Variants in KLHL42 observed in about 807,000 individuals in gnomAD.
KLHL42 encodes the protein kelch-like protein 42.
KLHL42 carries 27 observed loss-of-function variants against 32.7 expected under a neutral mutation model. The ratio of observed to expected loss-of-function variants is 0.83; its 90% confidence interval spans 0.61 to 1.14. KLHL42 has a LOEUF of 1.14. KLHL42 is among the 50% of genes most tolerant of loss of function. KLHL42 has a pLI of 0.00. For synonymous variants in KLHL42, 267 were observed against 248.2 expected, an observed-to-expected ratio of 1.08 and a Z score of -0.71; for missense variants, 491 against 560.8, an observed-to-expected ratio of 0.88 and a Z score of 1.26.
intron 1 of KLHL42, among the ~76,000 whole-genome samples, chr12:27,787,428 G>C (rs370296997): frequency 6.6e-6 from 1 of 151,558 alleles, no homozygotes; most frequent in Non-Finnish European, 1.5e-5. Context: ...CCGGGATGGG[G>C]AGGTTGCGGT....
At chr12:27,787,157 G>A (rs1002726380) in intron 1 of KLHL42, among the ~76,000 whole-genome samples, 1 of 152,052 alleles carries the variant, frequency 6.6e-6, no homozygotes, top group Non-Finnish European at 1.5e-5. Context: ...CTGAACGTGG[G>A]TTTGATCTCA....
chr12:27,784,139 G>GTTTT (rs916582197), intron 1 of KLHL42, among the ~76,000 whole-genome samples: 1 of 123,150 alleles, frequency 8.1e-6, no homozygotes, highest in Admixed American at 8.3e-5. Context: ...TTTTGTTTTT[G>GTTTT]TTTTTTTTTT....
rs138436001 is a variant in KLHL42 at position 27,792,764 on chromosome 12, C to T, written c.1066+863C>T. ...TCTGTAACTCCTGACCTCAGGTGAT[C>T]CACCTGCCTTAGCCTCCCAAGGTGC... On this transcript the variant is annotated intron_variant, in intron 2 of 2. Transcript: ENST00000381271. Among the ~76,000 whole-genome samples, 918 of 152,282 alleles carry T rather than the reference C, an allele frequency of 6.0e-3. 12 individuals carry two copies. Among genetic ancestry groups the T allele is most frequent in the African/African-American group, 0.021 (888 of 41,548 alleles).
At position 27,798,991 on chromosome 12, in the gene KLHL42, A is replaced by G. The variant is rs2140825560; in HGVS notation, c.*825A>G. The G allele has an allele frequency of 1.3e-5, 2 of 152,748 alleles. 1 individual carries two copies. The allele number at this position is 152,748 out of a possible 1,614,324, so 9.5% of individuals were successfully genotyped here. A position where few individuals can be genotyped will look rare whatever the true frequency, so the allele number is the denominator to read the frequency against. ...ATTAAAAATTGAGTCTTAAATTTAA[A>G]TGGGAAGGGAAGAAAACACCAAATA... On this transcript the variant is annotated 3_prime_UTR_variant, in exon 3 of 3. Coordinates refer to ENST00000381271, the MANE Select transcript of KLHL42 (RefSeq NM_020782.2).
At chr12:27,791,256 T>G (rs897854362) in intron 1 of KLHL42, among the ~76,000 whole-genome samples, 12 of 152,114 alleles carry the variant, frequency 7.9e-5, no homozygotes, top group Admixed American at 2.6e-4. Context: ...CACCTGCCTG[T>G]CTCGACAGCA....
In KLHL42 at chr12:27,796,780, T is replaced by C. The variant is rs114035573; in HGVS notation, c.1067-935T>C. ...TCCAAGTAGCAGCTGGTACCATAGG[T>C]GCACACCACCATGCCTGGCTAATTT... On this transcript the variant is annotated intron_variant, in intron 2 of 2. Coordinates refer to ENST00000381271, the MANE Select transcript of KLHL42 (RefSeq NM_020782.2). Among the ~76,000 whole-genome samples, 394 of 152,044 alleles carry C rather than the reference T, an allele frequency of 2.6e-3. 2 individuals are homozygous for C. Among genetic ancestry groups the C allele is most frequent in the African/African-American group, 9.2e-3 (382 of 41,478 alleles).
rs536927481 is a variant in KLHL42 at position 27,791,538 on chromosome 12, G to T, written c.873-170G>T. Among the ~76,000 whole-genome samples the T allele has an allele frequency of 3.9e-5, 6 of 152,346 alleles. No homozygotes were observed. The East Asian group carries it at 1.2e-3, about 29-fold the overall frequency. ...TTCCCGTGGAATCTTGGGGACAGGAGTGAGATTCGAGAAGCCATCCTTTCC... is the reference window on the plus strand; with the variant it reads ...TTCCCGTGGAATCTTGGGGACAGGATTGAGATTCGAGAAGCCATCCTTTCC... On this transcript the variant is annotated intron_variant, in intron 1 of 2. Transcript: ENST00000381271.
At position 27,791,829 on chromosome 12, in the gene KLHL42, A is replaced by G. The variant is rs760406182; in HGVS notation, c.994A>G (p.Asn332Asp). 12 of 1,614,040 alleles carry G rather than the reference A, an allele frequency of 7.4e-6. No individual in the cohort carries two copies. Among genetic ancestry groups the G allele is most frequent in the Non-Finnish European group, 9.3e-6 (11 of 1,180,028 alleles). ...GTGGAATTTTGTGGCGCCCTTACCC[A>G]ATCCTCTGGCTGAGTTCTCTGCCTG... The part of the protein sequence containing the change: ...DAWNFVAPLP[N>D]PLAEFSACEC... Residue 332 changes from asparagine (N) to aspartate (D), a missense_variant, in exon 2 of 3, where the codon AAT (asparagine) becomes GAT (aspartate). Asn to Asp is a conservative substitution (Grantham distance 23). Coordinates refer to ENST00000381271, the MANE Select transcript of KLHL42 (RefSeq NM_020782.2).
At position 27,798,244 on chromosome 12, in the gene KLHL42, AT is replaced by A; in HGVS notation, c.*80del. The A allele has an allele frequency of 2.9e-6, 2 of 695,586 alleles. No individual in the cohort carries two copies. The highest frequency in any genetic ancestry group is 5.2e-6 in the Non-Finnish European group (2 of 386,150). The allele number at this position is 695,586 out of a possible 1,614,324, so 43.1% of individuals were successfully genotyped here. On this transcript the variant is annotated 3_prime_UTR_variant, in exon 3 of 3. Transcript: ENST00000381271. ...TGGTGTCCCATTCCAAGGGAGACCA[AT>A]TCCTAAAGGGTAAAGAAGGGTTAAA...
chr12:27,785,356 T>C (rs2062167655), intron 1 of KLHL42, among the ~76,000 whole-genome samples: 1 of 152,124 alleles, frequency 6.6e-6, no homozygotes, highest in African/African-American at 2.4e-5. Context: ...TGCAACACCA[T>C]GCTTGGTTAA....
Position 27,797,757 on chromosome 12 carries a change from T to G in KLHL42, c.1109T>G (p.Met370Arg). The G allele has an allele frequency of 1.4e-6, 1 of 727,686 alleles. No individual in the cohort carries two copies. The highest frequency in any genetic ancestry group is 2.6e-6 in the Non-Finnish European group (1 of 390,414). The allele number at this position is 727,686 out of a possible 1,614,324, so 45.1% of individuals were successfully genotyped here. A position where few individuals can be genotyped will look rare whatever the true frequency, so the allele number is the denominator to read the frequency against. Residue 370 changes from methionine (M) to arginine (R), a missense_variant, in exon 3 of 3, where the codon ATG becomes AGG. By Grantham distance (91) the Met-to-Arg change is moderately conservative (BLOSUM62 -1). Around this residue, in one of 4 missense-constraint regions of KLHL42, gnomAD observed 152 missense variants for 125.9 expected, o/e 1.21. Transcript: ENST00000381271. ...TTGCAGTACTGCCCCTCTTCCGACATGTGGACGCTCTTTGAAACATGTGAC... is the reference window on the plus strand; with the variant it reads ...TTGCAGTACTGCCCCTCTTCCGACAGGTGGACGCTCTTTGAAACATGTGAC... Reference protein sequence around the residue: ...NILQYCPSSDMWTLFETCDVH... With the variant: ...NILQYCPSSDRWTLFETCDVH...
At chr12:27,784,865 G>C (rs2062165079) in intron 1 of KLHL42, among the ~76,000 whole-genome samples, 1 of 152,140 alleles carries the variant, frequency 6.6e-6, no homozygotes, top group Admixed American at 6.5e-5. Context: ...TTGGCCATTT[G>C]TATTTCTTTT....
At chr12:27,782,377 T>C (rs941153910) in intron 1 of KLHL42, among the ~76,000 whole-genome samples, 1 of 152,092 alleles carries the variant, frequency 6.6e-6, no homozygotes, top group African/African-American at 2.4e-5. Flanking sequence ...TGGAAAAGAA[T>C]GAAGAAGCAA....
intron 2 of KLHL42, among the ~76,000 whole-genome samples, chr12:27,794,977 T>C (rs1254727669): frequency 1.3e-5 from 2 of 151,438 alleles, no homozygotes. Flanking sequence ...CAGGTTACAG[T>C]GATTATAGGT....
intron 1 of KLHL42, among the ~76,000 whole-genome samples, chr12:27,784,089 A>G (rs1591813752): frequency 6.6e-6 from 1 of 150,864 alleles, no homozygotes; most frequent in Non-Finnish European, 1.5e-5. Flanking sequence ...AAATTCGTGG[A>G]ATCCCTGGAT....
intron 1 of KLHL42, among the ~76,000 whole-genome samples, chr12:27,782,300 A>G (rs1565481226): frequency 6.6e-6 from 1 of 152,212 alleles, no homozygotes; most frequent in Non-Finnish European, 1.5e-5. Context: ...TTCTCCTATA[A>G]TATGAAATTC....
Position 27,797,695 on chromosome 12 carries a change from CTT to C in KLHL42, c.1067-19_1067-18del. The C allele has an allele frequency of 1.5e-6, 1 of 679,450 alleles. No homozygotes were observed. The highest frequency in any genetic ancestry group is 2.7e-6 in the Non-Finnish European group (1 of 373,940). The allele number at this position is 679,450 out of a possible 1,614,324, so 42.1% of individuals were successfully genotyped here. A position where few individuals can be genotyped will look rare whatever the true frequency, so the allele number is the denominator to read the frequency against. Reference sequence around the variant, plus strand: ...GGTGTTAGTGGAGGCGGTGTCATCACTTGTCTTTCTTTCTTTCAGACCGGAAC... The same window carrying C: ...GGTGTTAGTGGAGGCGGTGTCATCACGTCTTTCTTTCTTTCAGACCGGAAC... On this transcript the variant is annotated intron_variant, in intron 2 of 2. Transcript: ENST00000381271.
At chr12:27,793,509 C>T (rs1346475510) in intron 2 of KLHL42, among the ~76,000 whole-genome samples, 1 of 150,484 alleles carries the variant, frequency 6.6e-6, no homozygotes, top group Non-Finnish European at 1.5e-5. Flanking sequence ...TCCCCTGCAC[C>T]CCAGGCTGGG....
At position 27,799,282 on chromosome 12, in the gene KLHL42, G is replaced by T. The variant is rs543183053; in HGVS notation, c.*1116G>T. On this transcript the variant is annotated 3_prime_UTR_variant, in exon 3 of 3. Coordinates refer to ENST00000381271, the MANE Select transcript of KLHL42 (RefSeq NM_020782.2). ...GTAAAGTGCTTTACTTGCCTTGGTT[G>T]TTAATTGAAATAGAATTCAGCTCAA... The T allele has an allele frequency of 1.1e-3, 173 of 152,312 alleles. 1 individual carries two copies. The highest frequency in any genetic ancestry group is 4.1e-3 in the African/African-American group (170 of 41,572). 9.4% of individuals were successfully genotyped at this position (152,312 alleles called of 1,614,324 possible).
Sources: allele counts gnomAD v4.1 joint callset (sites outside exome capture counted in the v4.1 genomes callset), GRCh38; gene constraint gnomAD v4.1.1; regional missense constraint gnomAD v4.1.1; transcripts MANE v1.5; gene names NCBI Gene and HGNC (gene_info 2026-07-23, HGNC 2026-07-21).